The following ERC2 variants were observed in gnomAD, a reference collection of about 807,000 sequenced individuals.
The protein encoded by ERC2 is ERC protein 2.
Under a neutral mutation model 114.8 loss-of-function variants are expected in ERC2, and 42 were observed. The ratio of observed to expected loss-of-function variants is 0.37; its 90% CI spans 0.29 to 0.47. ERC2 has a LOEUF of 0.47. ERC2 is among the 20% of genes least tolerant of loss of function. The probability of loss-of-function intolerance (pLI) is 0.99; values close to 1 mark genes in which losing one functional copy is unlikely to be tolerated. For missense variants in ERC2, 939 were observed against 1,150.7 expected (o/e 0.82, Z 2.66); for synonymous variants, 454 against 425.5 (o/e 1.07, Z -0.82).
chr3:56,201,349 T>G (rs955201859), intron 3 of ERC2, among the ~76,000 whole-genome samples: 9 of 152,216 alleles, frequency 5.9e-5, no homozygotes, highest in Non-Finnish European at 8.8e-5. Flanking sequence ...CCATTTAGTT[T>G]TACTTATAAA....
intron 3 of ERC2, among the ~76,000 whole-genome samples, chr3:56,218,774 T>C (rs995065127): frequency 4.6e-5 from 7 of 151,982 alleles, no homozygotes; most frequent in African/African-American, 1.7e-4. Context: ...ATTAAGAAAA[T>C]GTGGCACATA....
chr3:55,850,892 G>A lies in ERC2; in HGVS notation c.2564+37497C>T, dbSNP rs1001527509. 5.1e-4 allele frequency among the ~76,000 whole-genome samples: 42 copies of A among 81,818 alleles called. No homozygotes were observed. The East Asian group carries it at 0.011, about 21-fold the overall frequency. The allele number at this position is 81,818 out of a possible 152,430, so 53.7% of individuals were successfully genotyped here. ...CACACACACACACACACACACACACGAGAGAACCAAAGGGCAACATTTGGT... is the reference window on the plus strand; with the variant it reads ...CACACACACACACACACACACACACAAGAGAACCAAAGGGCAACATTTGGT... On this transcript the variant is annotated intron_variant, in intron 14 of 17. Transcript: ENST00000288221.
chr3:55,997,871 C>A (rs1313735521), intron 10 of ERC2, among the ~76,000 whole-genome samples: 1 of 89,562 alleles, frequency 1.1e-5, no homozygotes, highest in Non-Finnish European at 2.2e-5. Context: ...TGTTATACAT[C>A]TTAATTCTGT....
At position 56,332,200 on chromosome 3, in the gene ERC2, A is replaced by T. The variant is rs565601066; in HGVS notation, c.658-35765T>A. Among the ~76,000 whole-genome samples the T allele has an allele frequency of 7.9e-5, 12 of 152,300 alleles. No individual in the cohort carries two copies. The South Asian group carries it at 2.5e-3, about 32-fold the overall frequency. On this transcript the variant is annotated intron_variant, in intron 2 of 17. Coordinates refer to ENST00000288221, the MANE Select transcript of ERC2 (RefSeq NM_015576.3). Reference sequence around the variant, plus strand: ...TTCAAACACATACATGCACACACATATGCACGCATGCACATAAATGCACAG... The same window carrying T: ...TTCAAACACATACATGCACACACATTTGCACGCATGCACATAAATGCACAG...
chr3:56,411,957 A>G (rs996935142), intron 2 of ERC2, among the ~76,000 whole-genome samples: 1 of 152,236 alleles, frequency 6.6e-6, no homozygotes, highest in Non-Finnish European at 1.5e-5. Context: ...CAAAAAGCAT[A>G]TGTCCAAGGC....
chr3:56,190,313 T>C (rs1389073280), intron 3 of ERC2, among the ~76,000 whole-genome samples: 2 of 152,250 alleles, frequency 1.3e-5, no homozygotes, highest in East Asian at 3.9e-4. Context: ...GCCTCATCTG[T>C]AAATGGGGAT....
chr3:55,850,845 A>AACACACACACACACACAC (rs61573924), intron 14 of ERC2, among the ~76,000 whole-genome samples: 14 of 125,954 alleles, frequency 1.1e-4, no homozygotes, highest in African/African-American at 3.6e-4. Flanking sequence ...CTCTTTTTCA[A>AACACACACACACACACAC]ACACACACAC....
chr3:55,967,359 T>C (rs1260613921), intron 12 of ERC2, among the ~76,000 whole-genome samples: 1 of 152,158 alleles, frequency 6.6e-6, no homozygotes, highest in Non-Finnish European at 1.5e-5. Flanking sequence ...AGATTCAAGA[T>C]AAAGCAGAAA....
chr3:55,927,477 A>G (rs1028116304), intron 13 of ERC2, among the ~76,000 whole-genome samples: 2 of 152,116 alleles, frequency 1.3e-5, no homozygotes, highest in African/African-American at 4.8e-5. Context: ...GTGGGTGCAC[A>G]GATGTATATA....
chr3:56,311,243 CTCTCTCTCTCT>C (rs1560570757), intron 2 of ERC2, among the ~76,000 whole-genome samples: 2 of 20,958 alleles, frequency 9.5e-5, no homozygotes, highest in East Asian at 1.7e-3. Flanking sequence ...CTCTCTCTCT[CTCTCTCTCTCT>C]CTATATATAT....
At chr3:56,403,031 C>T (rs1166686225) in intron 2 of ERC2, among the ~76,000 whole-genome samples, 1 of 152,150 alleles carries the variant, frequency 6.6e-6, no homozygotes, top group African/African-American at 2.4e-5. Flanking sequence ...GACATTGCCA[C>T]TTGTCCTTGG....
chr3:56,146,165 G>A (rs2081121702), intron 5 of ERC2, among the ~76,000 whole-genome samples: 1 of 152,096 alleles, frequency 6.6e-6, no homozygotes, highest in African/African-American at 2.4e-5. Flanking sequence ...GTGTGCACCT[G>A]TAATCCCAGC....
At chr3:55,765,349 G>A (rs924137793) in intron 14 of ERC2, among the ~76,000 whole-genome samples, 1 of 152,088 alleles carries the variant, frequency 6.6e-6, no homozygotes, top group Non-Finnish European at 1.5e-5. Flanking sequence ...AGATTAAATT[G>A]CCCATCCATC....
chr3:55,931,596 C>T (rs572840405), intron 13 of ERC2, among the ~76,000 whole-genome samples: 9 of 152,040 alleles, frequency 5.9e-5, no homozygotes, highest in African/African-American at 2.2e-4. Flanking sequence ...ACACTGGGGC[C>T]TGTCGGGGTG....
At chr3:55,799,450 C>CATATATATATATATATATATATGCAT (rs2070846290) in intron 14 of ERC2, among the ~76,000 whole-genome samples, 1 of 106,196 alleles carries the variant, frequency 9.4e-6, no homozygotes, top group East Asian at 2.7e-4. Context: ...TATATATATG[C>CATATATATATATATATATATATGCAT]ATATATATAT....
intron 14 of ERC2, among the ~76,000 whole-genome samples, chr3:55,748,473 T>C (rs1303725150): frequency 6.6e-6 from 1 of 151,990 alleles, no homozygotes; most frequent in Non-Finnish European, 1.5e-5. Context: ...AACCCAGAGA[T>C]TGCTACCACA....
At chr3:55,666,581 C>A (rs956317807) in intron 17 of ERC2, among the ~76,000 whole-genome samples, 1 of 152,190 alleles carries the variant, frequency 6.6e-6, no homozygotes, top group Admixed American at 6.5e-5. Context: ...CCATGTTGCC[C>A]CCCAGGGGAC....
At chr3:55,682,657 T>C (rs1480953277) in intron 17 of ERC2, among the ~76,000 whole-genome samples, 7 of 152,206 alleles carry the variant, frequency 4.6e-5, no homozygotes, top group African/African-American at 1.7e-4. Context: ...ACATACATGC[T>C]AAGTTATCCC....
intron 17 of ERC2, among the ~76,000 whole-genome samples, chr3:55,618,416 C>A (rs1465343908): frequency 6.6e-6 from 1 of 152,008 alleles, no homozygotes; most frequent in East Asian, 1.9e-4. Context: ...AAGGTTAAGC[C>A]CAAAAGGCTT....
Sources: gnomAD v4.1 joint callset for allele counts (sites outside exome capture counted in the v4.1 genomes callset) on GRCh38, gnomAD v4.1.1 for gene constraint, MANE v1.5 for transcripts, NCBI Gene and HGNC (gene_info 2026-07-23, HGNC 2026-07-21) for gene names.